ADAMTSL1: variants seen among roughly 807,000 people sequenced by gnomAD.
ADAMTSL1 encodes ADAMTS-like protein 1.
A neutral mutation model predicts 201.8 loss-of-function variants in ADAMTSL1; 126 were observed. The ratio of observed to expected loss-of-function variants is 0.62; its 90% CI spans 0.54 to 0.72. ADAMTSL1 has a LOEUF of 0.72. Ranked by LOEUF, ADAMTSL1 falls within the 30% of genes least tolerant of loss-of-function variation. The pLI is 0.00. For missense variants in ADAMTSL1, 2,679 were observed against 2,277.8 expected, an observed-to-expected ratio of 1.18 and a Z score of -3.59; for synonymous variants, 1,121 against 903.4, an observed-to-expected ratio of 1.24 and a Z score of -4.32.
chr9:18,673,849 C>T (rs1449813730), intron 9 of ADAMTSL1, among the ~76,000 whole-genome samples: 1 of 151,944 alleles, frequency 6.6e-6, no homozygotes, highest in Admixed American at 6.6e-5. Context: ...TAATTGACTA[C>T]TATTAGATAA....
At chr9:18,298,528 G>GGT (rs945354545) in intron 2 of ADAMTSL1, among the ~76,000 whole-genome samples, 6 of 151,884 alleles carry the variant, frequency 4.0e-5, no homozygotes, top group South Asian at 2.1e-4. Flanking sequence ...AAAAGACGAG[G>GGT]GTGTGTGTGT....
intron 1 of ADAMTSL1, among the ~76,000 whole-genome samples, chr9:18,077,013 C>T (rs917161904): frequency 2.6e-5 from 4 of 152,242 alleles, no homozygotes; most frequent in Admixed American, 2.0e-4. Flanking sequence ...GAATGACTCC[C>T]AGGTTCCTGG....
chr9:18,310,334 A>T (rs1185490166), intron 2 of ADAMTSL1, among the ~76,000 whole-genome samples: 17 of 140,160 alleles, frequency 1.2e-4, no homozygotes, highest in Admixed American at 1.0e-3. Context: ...AAATTGACAT[A>T]TCGGATCTAA....
chr9:18,158,804 G>A (rs1245974667), intron 1 of ADAMTSL1, among the ~76,000 whole-genome samples: 45 of 151,820 alleles, frequency 3.0e-4, no homozygotes, highest in Admixed American at 3.0e-3. Flanking sequence ...TTCACACTGG[G>A]ACCAGATTTT....
chr9:18,331,649 C>G lies in ADAMTSL1; in HGVS notation c.207+167668C>G, dbSNP rs1835032754. Among the ~76,000 whole-genome samples the G allele has an allele frequency of 2.7e-5, 4 of 147,126 alleles. No individual in the cohort carries two copies. The South Asian group carries it at 8.3e-4, about 31-fold the overall frequency. On this transcript the variant is annotated intron_variant, in intron 2 of 29. Coordinates refer to the ADAMTSL1 transcript ENST00000680146. ...TCCATTAGAGCAATTCTAGGAAAAA[C>G]AAAAACAAAAACAATTTGCCACAAG...
chr9:18,690,610 A>G lies in ADAMTSL1; in HGVS notation c.1574+5810A>G, dbSNP rs530916819. 1.4e-3 allele frequency among the ~76,000 whole-genome samples: 206 copies of G among 152,324 alleles called. 1 individual carries two copies. Among genetic ancestry groups the G allele is most frequent in the African/African-American group, 4.7e-3 (196 of 41,586 alleles). ...TTAAATACTGTTTGCAGATCTTTCA[A>G]TCAATAAAAAGAATGTTCAAGCAGC... On this transcript the variant is annotated intron_variant, in intron 13 of 28. Coordinates refer to ENST00000380548, the MANE Select transcript of ADAMTSL1 (RefSeq NM_001040272.6).
intron 2 of ADAMTSL1, among the ~76,000 whole-genome samples, chr9:18,168,695 C>T (rs1440444744): frequency 1.9e-4 from 27 of 144,478 alleles, no homozygotes; most frequent in African/African-American, 5.6e-4. Context: ...CCTGAGGAAT[C>T]GCCACACTGA....
At chr9:18,817,895 G>C (rs1004565325) in intron 21 of ADAMTSL1, among the ~76,000 whole-genome samples, 2 of 152,150 alleles carry the variant, frequency 1.3e-5, no homozygotes, top group Non-Finnish European at 2.9e-5. Flanking sequence ...GTGGGCAGGA[G>C]TTATTAGAGA....
At chr9:18,467,065 A>T (rs1458545721) in intron 2 of ADAMTSL1, among the ~76,000 whole-genome samples, 1 of 152,208 alleles carries the variant, frequency 6.6e-6, no homozygotes, top group Non-Finnish European at 1.5e-5. Context: ...ACAAACATTT[A>T]TCTAATGGCA....
intron 2 of ADAMTSL1, among the ~76,000 whole-genome samples, chr9:18,302,563 T>A (rs1269705524): frequency 1.3e-5 from 2 of 152,204 alleles, no homozygotes; most frequent in African/African-American, 2.4e-5. Context: ...AATGCTCTGG[T>A]GCCAAACAGT....
chr9:18,162,162 C>T (rs1827418385), intron 1 of ADAMTSL1, among the ~76,000 whole-genome samples: 1 of 151,966 alleles, frequency 6.6e-6, no homozygotes, highest in Admixed American at 6.6e-5. Flanking sequence ...GGACTGGGGT[C>T]CTCTTTCAAG....
chr9:18,616,038 T>C (rs940006781), intron 4 of ADAMTSL1, among the ~76,000 whole-genome samples: 1 of 152,134 alleles, frequency 6.6e-6, no homozygotes, highest in Non-Finnish European at 1.5e-5. Context: ...ATTGCTTTTT[T>C]TTTTGGAGAC....
At chr9:18,101,190 T>C (rs1824500349) in intron 1 of ADAMTSL1, among the ~76,000 whole-genome samples, 1 of 151,816 alleles carries the variant, frequency 6.6e-6, no homozygotes, top group Non-Finnish European at 1.5e-5. Context: ...GAAATACAGA[T>C]GAATGCATTT....
intron 20 of ADAMTSL1, among the ~76,000 whole-genome samples, chr9:18,814,150 T>C (rs1295927992): frequency 1.3e-5 from 2 of 152,266 alleles, no homozygotes; most frequent in South Asian, 2.1e-4. Context: ...GTTGAGCATA[T>C]AGTTTTTGTC....
chr9:18,345,470 A>G (rs936147234), intron 2 of ADAMTSL1, among the ~76,000 whole-genome samples: 2 of 152,190 alleles, frequency 1.3e-5, no homozygotes, highest in Non-Finnish European at 2.9e-5. Flanking sequence ...TGATGTTAAC[A>G]TCACGTGTAG....
chr9:18,888,051 A>G lies in ADAMTSL1; in HGVS notation c.4462+8A>G, dbSNP rs374816543. On this transcript the variant is annotated splice_region_variant and intron_variant, in intron 24 of 28. Coordinates refer to ENST00000380548, the MANE Select transcript of ADAMTSL1 (RefSeq NM_001040272.6). Reference sequence around the variant, plus strand: ...CATCTTTAGTGATCCAAGGTAAGAAACCCTGCAGACTTTGCATACTGGACT... The same window carrying G: ...CATCTTTAGTGATCCAAGGTAAGAAGCCCTGCAGACTTTGCATACTGGACT... 23 of 1,608,880 alleles carry G rather than the reference A, an allele frequency of 1.4e-5. No homozygotes were observed. The highest frequency in any genetic ancestry group is 1.9e-4 in the Middle Eastern group (1 of 5,138).
chr9:18,085,576 C>CACACTGTGTGTGTGTATACGTATAT (rs1042363623), intron 1 of ADAMTSL1, among the ~76,000 whole-genome samples: 1 of 148,116 alleles, frequency 6.8e-6, no homozygotes, highest in East Asian at 2.0e-4. Context: ...TACATATATA[C>CACACTGTGTGTGTGTATACGTATAT]ACACTGTGTG....
At chr9:18,583,726 C>T (rs1285671945) in intron 4 of ADAMTSL1, among the ~76,000 whole-genome samples, 9 of 152,152 alleles carry the variant, frequency 5.9e-5, no homozygotes, top group African/African-American at 1.9e-4. Flanking sequence ...TACCCAAGAC[C>T]GTGGGGACCC....
At chr9:18,148,663 A>G (rs1826767472) in intron 1 of ADAMTSL1, among the ~76,000 whole-genome samples, 2 of 152,084 alleles carry the variant, frequency 1.3e-5, no homozygotes. Flanking sequence ...TAATGAAGCT[A>G]TAAAAATTAA....
Sources: allele counts gnomAD v4.1 joint callset (sites outside exome capture counted in the v4.1 genomes callset), GRCh38; gene constraint gnomAD v4.1.1; transcripts MANE v1.5; gene names NCBI Gene and HGNC (gene_info 2026-07-23, HGNC 2026-07-21).